Variants in TSPAN9 observed in about 807,000 individuals in gnomAD.
TSPAN9 encodes tetraspanin-9.
In TSPAN9, 16 loss-of-function variants were observed where a neutral mutation model predicts 31.0. The observed-to-expected ratio is 0.52, with a 90% CI of 0.35 to 0.78. The LOEUF is 0.78. Ranked by LOEUF, TSPAN9 falls within the 30% of genes least tolerant of loss-of-function variation. TSPAN9 has a pLI of 0.01. For synonymous variants in TSPAN9, 145 were observed against 121.6 expected, an observed-to-expected ratio of 1.19 and a Z score of -1.27; for missense variants, 272 against 312.5, an observed-to-expected ratio of 0.87 and a Z score of 0.98.
At chr12:3,197,508 G>GA (rs2098367637) in intron 2 of TSPAN9, among the ~76,000 whole-genome samples, 1 of 152,206 alleles carries the variant, frequency 6.6e-6, no homozygotes, top group South Asian at 2.1e-4. Flanking sequence ...TCTGAGTTGG[G>GA]AAGGGGCTCA....
At chr12:3,144,096 TTTA>T (rs1192718868) in intron 2 of TSPAN9, among the ~76,000 whole-genome samples, 10 of 152,136 alleles carry the variant, frequency 6.6e-5, no homozygotes, top group African/African-American at 2.4e-4. Context: ...TATTTATTTA[TTTA>T]TTTTTTATTT....
chr12:3,095,972 G>T (rs2098308473), intron 2 of TSPAN9, among the ~76,000 whole-genome samples: 1 of 150,272 alleles, frequency 6.7e-6, no homozygotes, highest in Non-Finnish European at 1.5e-5. Flanking sequence ...CACTTTGGGA[G>T]GCCAAGGCAG....
intron 1 of TSPAN9, among the ~76,000 whole-genome samples, chr12:3,078,905 C>T (rs2153961158): frequency 6.6e-6 from 1 of 151,770 alleles, no homozygotes; most frequent in East Asian, 1.9e-4. Flanking sequence ...TATAGTTGGC[C>T]AAGTTTTTTC....
intron 2 of TSPAN9, among the ~76,000 whole-genome samples, chr12:3,153,862 G>A (rs993259410): frequency 2.0e-5 from 3 of 150,052 alleles, no homozygotes; most frequent in African/African-American, 7.3e-5. Flanking sequence ...GTGTGTGTGT[G>A]CGTGTGTGTC....
chr12:3,268,421 CGTTCCTGCAGCCTGCCCTCCG>C (rs1862584747), intron 3 of TSPAN9, among the ~76,000 whole-genome samples: 1 of 64,232 alleles, frequency 1.6e-5, no homozygotes. Flanking sequence ...GCCCTCCGTG[CGTTCCTGCAGCCTGCCCTCCG>C]TGCGTTCCTG....
chr12:3,280,387 C>A lies in TSPAN9; in HGVS notation c.336C>A (p.Asn112Lys). Residue 112 changes from asparagine to lysine, a missense_variant, in exon 6 of 9, where the codon AAC becomes AAA. By Grantham distance (94) the Asn-to-Lys change is moderately conservative. Coordinates refer to ENST00000011898, the MANE Select transcript of TSPAN9 (RefSeq NM_006675.5). This position sits in a 1 kb window ranked among gnomAD's most constrained non-coding sequence, Gnocchi z 4.5. ...TGTGTCCCTCCGCCTGGCAGGTGAA[C>A]GAGAACGCCAAGAAGGACCTGAAGG... ...ILFFVYMDKV[N>K]ENAKKDLKEG... 1 of 1,610,538 alleles carries A rather than the reference C, an allele frequency of 6.2e-7. No homozygotes were observed. The highest frequency in any genetic ancestry group is 1.1e-5 in the South Asian group (1 of 91,034).
intron 3 of TSPAN9, among the ~76,000 whole-genome samples, chr12:3,248,808 A>G (rs552104476): frequency 9.0e-4 from 137 of 152,206 alleles, no homozygotes; most frequent in African/African-American, 3.3e-3. Flanking sequence ...GTCTCCATAA[A>G]CATCTTCCAC....
At chr12:3,116,515 C>T (rs73247368) in intron 2 of TSPAN9, among the ~76,000 whole-genome samples, 7,042 of 152,194 alleles carry the variant, frequency 0.046, 516 homozygotes, top group African/African-American at 0.16. Context: ...AAGAGCCCTC[C>T]GTCCTGAGGT....
intron 2 of TSPAN9, among the ~76,000 whole-genome samples, chr12:3,154,424 A>G (rs1041031253): frequency 2.6e-5 from 4 of 152,234 alleles, no homozygotes; most frequent in Non-Finnish European, 4.4e-5. Flanking sequence ...CATTCAAAGC[A>G]AGAGAAATAG....
At chr12:3,248,475 C>T (rs1269334273) in intron 3 of TSPAN9, among the ~76,000 whole-genome samples, 2 of 152,172 alleles carry the variant, frequency 1.3e-5, no homozygotes, top group Non-Finnish European at 2.9e-5. Flanking sequence ...CTCCTGCCCT[C>T]TCTTGTTCTT....
chr12:3,213,441 G>T (rs2098379798), intron 3 of TSPAN9, among the ~76,000 whole-genome samples: 1 of 151,184 alleles, frequency 6.6e-6, no homozygotes, highest in African/African-American at 2.4e-5. Flanking sequence ...AGCTCTTTAT[G>T]TCTGAGCCAT....
chr12:3,099,834 T>A (rs111898512), intron 2 of TSPAN9, among the ~76,000 whole-genome samples: 157 of 146,964 alleles, frequency 1.1e-3, no homozygotes, highest in African/African-American at 3.9e-3. Context: ...TTGAGGTCTG[T>A]CCACTCTTTT....
intron 2 of TSPAN9, among the ~76,000 whole-genome samples, chr12:3,191,195 G>T (rs949936882): frequency 9.2e-5 from 14 of 152,148 alleles, no homozygotes; most frequent in African/African-American, 2.7e-4. Flanking sequence ...AAAGGTATAG[G>T]AGAGGGAGTT....
At chr12:3,097,075 G>A (rs2098309465) in intron 2 of TSPAN9, among the ~76,000 whole-genome samples, 1 of 152,138 alleles carries the variant, frequency 6.6e-6, no homozygotes, top group Non-Finnish European at 1.5e-5. Flanking sequence ...GACGTTGAGG[G>A]AAGAGGAGGC....
chr12:3,170,489 T>C lies in TSPAN9; in HGVS notation c.-17-30688T>C, dbSNP rs1219608659. On this transcript the variant is annotated intron_variant, in intron 2 of 8. Transcript: ENST00000011898. The surrounding 1 kb of genome is among the most constrained non-coding windows in gnomAD (Gnocchi z 4.4). ...TAAAAGACTTTTAGAAGCAGAGATT[T>C]TGTTTTTCTGTTCCTCCTTGTCAAA... Among the ~76,000 whole-genome samples, 2 of 152,172 alleles carry C rather than the reference T, an allele frequency of 1.3e-5. No homozygotes were observed. The highest frequency in any genetic ancestry group is 2.9e-5 in the Non-Finnish European group (2 of 68,032).
In TSPAN9 at chr12:3,252,565, G is replaced by T. The variant is rs536598081; in HGVS notation, c.64-25856G>T. Among the ~76,000 whole-genome samples the T allele has an allele frequency of 2.0e-5, 3 of 152,374 alleles. No homozygotes were observed. In the South Asian group the frequency reaches 6.2e-4, roughly 32 times the overall value. On this transcript the variant is annotated intron_variant, in intron 3 of 8. Coordinates refer to ENST00000011898, the MANE Select transcript of TSPAN9 (RefSeq NM_006675.5). ...CCCTCCTACTGTACACATGCGGGGA[G>T]CCTGCCGCTAGCTGGGCCTGGGCCG... is the stretch of plus-strand genomic sequence containing the variant.
At chr12:3,243,401 C>T (rs1591701268) in intron 3 of TSPAN9, among the ~76,000 whole-genome samples, 3 of 152,268 alleles carry the variant, frequency 2.0e-5, no homozygotes, top group South Asian at 4.1e-4. Flanking sequence ...GCACATAGGG[C>T]GGCTCAGAGA....
chr12:3,087,998 G>A (rs1283471090), intron 2 of TSPAN9, among the ~76,000 whole-genome samples: 1 of 152,228 alleles, frequency 6.6e-6, no homozygotes, highest in Admixed American at 6.5e-5. Context: ...AGGGACAGTA[G>A]GAGAAGATCC....
In TSPAN9 at chr12:3,152,597, C is replaced by CTTTTTTTTTTT. The variant is rs367668971; in HGVS notation, c.-17-48574_-17-48573insTTTTTTTTTTT. Among the ~76,000 whole-genome samples, 72 of 151,080 alleles carry CTTTTTTTTTTT rather than the reference C, an allele frequency of 4.8e-4. 1 individual carries two copies. The highest frequency in any genetic ancestry group is 1.0e-3 in the South Asian group (5 of 4,790). On this transcript the variant is annotated intron_variant, in intron 2 of 8. Coordinates refer to ENST00000011898, the MANE Select transcript of TSPAN9 (RefSeq NM_006675.5). ...AGAGCCCCGTTCTTTTCTTTTCTTT[C>CTTTTTTTTTTT]TTTTTTGAGACGGAGTCTCGCTCTG...
Sources: allele counts gnomAD v4.1 joint callset (sites outside exome capture counted in the v4.1 genomes callset), GRCh38; gene constraint gnomAD v4.1.1; non-coding constraint Gnocchi (gnomAD v3.1); transcripts MANE v1.5; gene names NCBI Gene and HGNC (gene_info 2026-07-23, HGNC 2026-07-21).